Variants in ARHGEF28 observed in about 807,000 individuals in gnomAD.
ARHGEF28 encodes 190 kDa guanine nucleotide exchange factor.
A neutral mutation model predicts 206.6 loss-of-function variants in ARHGEF28; 152 were observed. The observed-to-expected ratio is 0.74, with a 90% CI of 0.64 to 0.84. The LOEUF (loss-of-function observed/expected upper bound fraction) is 0.84, where lower values mean the gene tolerates loss of function less well. ARHGEF28 is among the 40% of genes least tolerant of loss of function. The pLI is 0.00. For missense variants in ARHGEF28, 2,028 were observed against 2,073.2 expected (o/e 0.98, Z 0.42); for synonymous variants, 763 against 776.4 (o/e 0.98, Z 0.29).
intron 14 of ARHGEF28, among the ~76,000 whole-genome samples, chr5:73,855,205 C>T (rs1308602500): frequency 6.6e-6 from 1 of 152,068 alleles, no homozygotes; most frequent in East Asian, 1.9e-4. Context: ...AGGTAAATAT[C>T]ACATAATTAA....
At chr5:73,888,522 A>T (rs193104009) in intron 26 of ARHGEF28, among the ~76,000 whole-genome samples, 1 of 152,234 alleles carries the variant, frequency 6.6e-6, no homozygotes, top group Non-Finnish European at 1.5e-5. Context: ...GGTGAGGGCC[A>T]TGTAGGAACA....
chr5:73,806,750 T>C (rs913663236), intron 9 of ARHGEF28, among the ~76,000 whole-genome samples: 1 of 132,974 alleles, frequency 7.5e-6, no homozygotes, highest in African/African-American at 2.8e-5. Context: ...GTACCATATA[T>C]ACGATATATC....
chr5:73,771,393 C>T (rs1753211008), intron 4 of ARHGEF28, among the ~76,000 whole-genome samples: 2 of 151,994 alleles, frequency 1.3e-5, no homozygotes, highest in Non-Finnish European at 2.9e-5. Context: ...ACTAAAAATA[C>T]AAAAATTAGC....
At chr5:73,665,804 ATTAAGT>A (rs1283636864) in intron 1 of ARHGEF28, among the ~76,000 whole-genome samples, 1 of 152,138 alleles carries the variant, frequency 6.6e-6, no homozygotes, top group Non-Finnish European at 1.5e-5. Flanking sequence ...TGCATTGGGG[ATTAAGT>A]TTCCAACAGG....
chr5:73,885,351 C>T (rs373059886), intron 24 of ARHGEF28, among the ~76,000 whole-genome samples: 51 of 152,272 alleles, frequency 3.3e-4, no homozygotes, highest in African/African-American at 1.2e-3. Flanking sequence ...ACTCAGACAT[C>T]TTACTGTCAG....
chr5:73,643,862 A>T (rs115484225), intron 1 of ARHGEF28, among the ~76,000 whole-genome samples: 3,205 of 152,002 alleles, frequency 0.021, 59 homozygotes, highest in Non-Finnish European at 0.034. Context: ...GGTCACGATT[A>T]CCATGCATTT....
At chr5:73,799,714 G>T (rs1455595158) in intron 9 of ARHGEF28, among the ~76,000 whole-genome samples, 1 of 152,204 alleles carries the variant, frequency 6.6e-6, no homozygotes, top group African/African-American at 2.4e-5. Context: ...TGGAAAAAAT[G>T]AAGGGTTGGT....
chr5:73,792,488 C>A (rs924945696), intron 7 of ARHGEF28, among the ~76,000 whole-genome samples: 2 of 152,104 alleles, frequency 1.3e-5, no homozygotes, highest in South Asian at 4.2e-4. Flanking sequence ...GTACAGAATT[C>A]TTTAGGAATG....
chr5:73,644,339 T>A (rs1347565149), intron 1 of ARHGEF28, among the ~76,000 whole-genome samples: 6 of 152,242 alleles, frequency 3.9e-5, no homozygotes, highest in Non-Finnish European at 7.3e-5. Context: ...ATATTTCAGA[T>A]TTTACCATTT....
chr5:73,699,694 A>G (rs1748476020), intron 2 of ARHGEF28, among the ~76,000 whole-genome samples: 1 of 152,170 alleles, frequency 6.6e-6, no homozygotes, highest in Admixed American at 6.5e-5. Flanking sequence ...TAATATAACT[A>G]TCGTTTAGAT....
intron 9 of ARHGEF28, among the ~76,000 whole-genome samples, chr5:73,806,565 A>G (rs1006699188): frequency 1.4e-5 from 2 of 138,806 alleles, no homozygotes. Flanking sequence ...GTATATATCT[A>G]TATATAGTAT....
At chr5:73,893,111 A>G (rs1035545298) in intron 27 of ARHGEF28, 86 bp from the exon 28 acceptor site, 13 of 1,108,828 alleles carry the variant, frequency 1.2e-5, no homozygotes, top group Admixed American at 6.2e-5. Context: ...GAATAAATCT[A>G]TTGCCAAGTT....
At chr5:73,778,631 A>C (rs998007680) in intron 6 of ARHGEF28, among the ~76,000 whole-genome samples, 3 of 152,122 alleles carry the variant, frequency 2.0e-5, no homozygotes, top group Non-Finnish European at 4.4e-5. Context: ...GGGCTGAGAG[A>C]TTCTTTATGG....
intron 1 of ARHGEF28, among the ~76,000 whole-genome samples, chr5:73,671,707 TATATATATATATATATATATATATATA>T: frequency 9.2e-5 from 1 of 10,874 alleles, no homozygotes; most frequent in Non-Finnish European, 2.1e-4. Flanking sequence ...TATATATATA[TATATATATATATATATATATATATATA>T]TATATTTTTT....
At chr5:73,687,310 AT>A (rs1283538232) in intron 2 of ARHGEF28, among the ~76,000 whole-genome samples, 1 of 151,940 alleles carries the variant, frequency 6.6e-6, no homozygotes, top group Non-Finnish European at 1.5e-5. Flanking sequence ...CCTAGTTGGC[AT>A]TTTTTCTAGT....
chr5:73,809,515 G>T (rs1442357655), intron 9 of ARHGEF28, among the ~76,000 whole-genome samples: 1 of 152,140 alleles, frequency 6.6e-6, no homozygotes, highest in Non-Finnish European at 1.5e-5. Flanking sequence ...TTAGCTTGTG[G>T]TGCACTAAAA....
chr5:73,791,240 C>G (rs541808698), intron 7 of ARHGEF28, among the ~76,000 whole-genome samples: 3 of 152,210 alleles, frequency 2.0e-5, no homozygotes, highest in Admixed American at 1.3e-4. Context: ...CTGGTCCCAG[C>G]TCTCCCAGAA....
chr5:73,781,921 T>C (rs1275957648), intron 7 of ARHGEF28, among the ~76,000 whole-genome samples: 2 of 152,092 alleles, frequency 1.3e-5, no homozygotes, highest in Non-Finnish European at 2.9e-5. Context: ...TACCTGTTAA[T>C]GTAAAGGGCA....
Position 73,911,479 on chromosome 5 carries a change from C to T in ARHGEF28, c.4852C>T (p.Gln1618Ter). 6.2e-7 allele frequency: 1 copy of T among 1,613,972 alleles called. No homozygotes were observed. The highest frequency in any genetic ancestry group is 1.1e-5 in the South Asian group (1 of 91,052). Residue 1618 changes from glutamine to a stop codon, truncating the protein, a stop_gained, in exon 35 of 36, where the codon CAG (glutamine) becomes TAG (stop). Coordinates refer to ENST00000513042, the MANE Select transcript of ARHGEF28 (RefSeq NM_001177693.2). LOFTEE classifies it high-confidence loss of function. ...HQVDLKVDPS[Q>*]PSNVSHKLWT... ...AGTAGACCTCAAGGTGGACCCTTCTCAGCCTTCGAATGTCAGTCACAAACT... is the reference window on the plus strand; with the variant it reads ...AGTAGACCTCAAGGTGGACCCTTCTTAGCCTTCGAATGTCAGTCACAAACT...
Sources: gnomAD v4.1 joint callset for allele counts (sites outside exome capture counted in the v4.1 genomes callset) on GRCh38, gnomAD v4.1.1 for gene constraint, MANE v1.5 for transcripts, NCBI Gene and HGNC (gene_info 2026-07-23, HGNC 2026-07-21) for gene names.